Variants in IL1RAPL1 observed in about 807,000 individuals in gnomAD.
IL1RAPL1 encodes the protein interleukin 1 receptor accessory protein like 1, also known as interleukin-1 receptor accessory protein-like 1.
In IL1RAPL1, 3 loss-of-function variants were observed where a neutral mutation model predicts 48.4. That is an observed-to-expected ratio of 0.06 (90% CI 0.03 to 0.16). IL1RAPL1 has a LOEUF of 0.16. IL1RAPL1 is among the 10% of genes least tolerant of loss of function. The pLI is 1.00. For synonymous variants in IL1RAPL1, 185 were observed against 187.7 expected, an observed-to-expected ratio of 0.99 and a Z score of 0.12; for missense variants, 349 against 530.6, an observed-to-expected ratio of 0.66 and a Z score of 3.36.
chrX:28,888,857 T>C (rs1922706344), intron 2 of IL1RAPL1, among the ~76,000 whole-genome samples: 1 of 110,821 alleles, frequency 9.0e-6, no homozygotes, highest in African/African-American at 3.3e-5. Flanking sequence ...TATGATATCA[T>C]TGAAAGGAAA....
intron 2 of IL1RAPL1, among the ~76,000 whole-genome samples, chrX:28,992,502 G>GAAAAAAAAAAAAAA (rs60650174): frequency 7.8e-4 from 38 of 48,694 alleles, no homozygotes; most frequent in Non-Finnish European, 9.4e-4. Flanking sequence ...AAAAAAAAAA[G>GAAAAAAAAAAAAAA]AAAAAAAAAA....
At chrX:29,663,534 G>A (rs1358031344) in intron 5 of IL1RAPL1, among the ~76,000 whole-genome samples, 2 of 111,916 alleles carry the variant, frequency 1.8e-5, no homozygotes, top group Admixed American at 9.4e-5. Context: ...TTTTGAAATT[G>A]GATTATGGAG....
At chrX:29,311,094 A>G (rs1183940119) in intron 3 of IL1RAPL1, among the ~76,000 whole-genome samples, 2 of 112,016 alleles carry the variant, frequency 1.8e-5, no homozygotes, top group African/African-American at 6.5e-5. Context: ...AAAGCAGTAT[A>G]CAGTGGTTTT....
At position 29,865,641 on chromosome X, in the gene IL1RAPL1, T is replaced by C. The variant is rs12392311; in HGVS notation, c.779-51823T>C. 7.4e-4 allele frequency among the ~76,000 whole-genome samples: 69 copies of C among 92,640 alleles called. 1 individual carries two copies. Among genetic ancestry groups the C allele is most frequent in the East Asian group, 5.8e-3 (18 of 3,109 alleles). 80.4% of individuals were successfully genotyped at this position (92,640 alleles called of 115,157 possible). Reference sequence around the variant, plus strand: ...CTGTTTTTTTCTTTTCTTTTCTTTTTTTTTTTTTTTTTTTTGACAGAGTCT... The same window carrying C: ...CTGTTTTTTTCTTTTCTTTTCTTTTCTTTTTTTTTTTTTTTGACAGAGTCT... On this transcript the variant is annotated intron_variant, in intron 6 of 10. Coordinates refer to ENST00000378993, the MANE Select transcript of IL1RAPL1 (RefSeq NM_014271.4).
chrX:28,635,736 G>A (rs1934456630), intron 1 of IL1RAPL1, among the ~76,000 whole-genome samples: 1 of 111,950 alleles, frequency 8.9e-6, no homozygotes, highest in African/African-American at 3.2e-5. Flanking sequence ...AGTTAAACAT[G>A]GTTGGAGTTT....
chrX:29,362,922 C>T (rs892871006), intron 3 of IL1RAPL1, among the ~76,000 whole-genome samples: 1 of 112,012 alleles, frequency 8.9e-6, no homozygotes, highest in African/African-American at 3.2e-5. Context: ...AAGCATCTTA[C>T]AAGCATTATC....
intron 6 of IL1RAPL1, among the ~76,000 whole-genome samples, chrX:29,770,106 C>A (rs190174122): frequency 8.9e-6 from 1 of 111,973 alleles, no homozygotes; most frequent in East Asian, 2.8e-4. Flanking sequence ...TCTTGCTTTT[C>A]TATATGACTG....
chrX:29,747,563 T>G, intron 6 of IL1RAPL1, among the ~76,000 whole-genome samples: 1 of 112,045 alleles, frequency 8.9e-6, no homozygotes, highest in Non-Finnish European at 1.9e-5. Flanking sequence ...GGAGTCATCC[T>G]GAAATGACTT....
intron 6 of IL1RAPL1, among the ~76,000 whole-genome samples, chrX:29,792,725 C>T (rs751235734): frequency 9.0e-6 from 1 of 110,546 alleles, no homozygotes; most frequent in African/African-American, 3.3e-5. Flanking sequence ...TTTTCTGGCT[C>T]GGCTCCTACT....
intron 2 of IL1RAPL1, among the ~76,000 whole-genome samples, chrX:29,165,742 G>A (rs897600005): frequency 3.6e-5 from 4 of 111,907 alleles, no homozygotes; most frequent in African/African-American, 9.7e-5. Context: ...AGATTTTATA[G>A]TTTCCCTTTG....
At chrX:29,870,141 A>G (rs1248654745) in intron 6 of IL1RAPL1, among the ~76,000 whole-genome samples, 1 of 112,682 alleles carries the variant, frequency 8.9e-6, no homozygotes, top group Non-Finnish European at 1.9e-5. Context: ...GATGTTATAA[A>G]ACATCATTCA....
At chrX:28,811,105 G>A (rs189216077) in intron 2 of IL1RAPL1, among the ~76,000 whole-genome samples, 37 of 110,611 alleles carry the variant, frequency 3.3e-4, no homozygotes, top group Middle Eastern at 4.6e-3. Flanking sequence ...CCAATTAAGT[G>A]TATCATGCTG....
intron 5 of IL1RAPL1, among the ~76,000 whole-genome samples, chrX:29,515,953 T>A (rs1208663916): frequency 8.9e-6 from 1 of 112,002 alleles, no homozygotes; most frequent in Non-Finnish European, 1.9e-5. Context: ...CGCAAAGTGC[T>A]GGGATTATAG....
chrX:29,458,462 TGCCC>T (rs1312882588), intron 5 of IL1RAPL1, among the ~76,000 whole-genome samples: 1 of 29,343 alleles, frequency 3.4e-5, no homozygotes, highest in African/African-American at 2.2e-4. Flanking sequence ...ACTCCTTGAC[TGCCC>T]AGTCAAGTTG....
At chrX:28,826,786 A>C (rs1469983991) in intron 2 of IL1RAPL1, among the ~76,000 whole-genome samples, 3 of 111,129 alleles carry the variant, frequency 2.7e-5, no homozygotes, top group Non-Finnish European at 5.7e-5. Context: ...TCTTGCTCCC[A>C]GATGCTATAT....
intron 6 of IL1RAPL1, among the ~76,000 whole-genome samples, chrX:29,848,858 C>T (rs758068541): frequency 1.8e-5 from 2 of 110,551 alleles, no homozygotes; most frequent in South Asian, 3.9e-4. Flanking sequence ...CTATGCCTTC[C>T]GGGTTTCAAG....
intron 6 of IL1RAPL1, among the ~76,000 whole-genome samples, chrX:29,760,126 G>T (rs1928720528): frequency 8.9e-6 from 1 of 111,788 alleles, no homozygotes; most frequent in African/African-American, 3.3e-5. Flanking sequence ...TAATCCGTCT[G>T]CACAATCATT....
At chrX:29,335,073 A>T (rs1297120032) in intron 3 of IL1RAPL1, among the ~76,000 whole-genome samples, 2 of 111,893 alleles carry the variant, frequency 1.8e-5, no homozygotes, top group Non-Finnish European at 3.8e-5. Context: ...TAGGAGCTGG[A>T]GACCAGCCCG....
At chrX:29,123,130 A>G (rs182320396) in intron 2 of IL1RAPL1, among the ~76,000 whole-genome samples, 69 of 109,710 alleles carry the variant, frequency 6.3e-4, no homozygotes, top group African/African-American at 2.2e-3. Flanking sequence ...CCTGGTTTCA[A>G]GCAATTCTCC....
Sources: allele counts gnomAD v4.1 joint callset (sites outside exome capture counted in the v4.1 genomes callset), GRCh38; gene constraint gnomAD v4.1.1; transcripts MANE v1.5; gene names NCBI Gene and HGNC (gene_info 2026-07-23, HGNC 2026-07-21).